Variants in MAP3K9 observed in about 807,000 individuals in gnomAD.
The protein encoded by MAP3K9 is mitogen-activated protein kinase kinase kinase 9.
A neutral mutation model predicts 95.8 loss-of-function variants in MAP3K9; 46 were observed. That is an observed-to-expected ratio of 0.48 (90% confidence interval 0.38 to 0.61). The LOEUF (loss-of-function observed/expected upper bound fraction) is 0.61. MAP3K9 is among the 20% of genes least tolerant of loss of function. The probability of loss-of-function intolerance (pLI) is 0.00; values close to 1 mark genes in which losing one functional copy is unlikely to be tolerated. For missense variants in MAP3K9, 1,296 were observed against 1,474.3 expected, an observed-to-expected ratio of 0.88 and a Z score of 1.98; for synonymous variants, 533 against 593.8, an observed-to-expected ratio of 0.90 and a Z score of 1.49.
chr14:70,793,748 A>G (rs1423686007), intron 2 of MAP3K9, among the ~76,000 whole-genome samples: 1 of 152,164 alleles, frequency 6.6e-6, no homozygotes, highest in Non-Finnish European at 1.5e-5. Context: ...AGCTAAAGAC[A>G]CAAAACCTAT....
chr14:70,758,919 C>T (rs1215236939), intron 3 of MAP3K9, among the ~76,000 whole-genome samples: 11 of 152,088 alleles, frequency 7.2e-5, no homozygotes, highest in Non-Finnish European at 1.3e-4. Flanking sequence ...TGCGCCACCA[C>T]GCCTAGCTAA....
At position 70,723,914 on chromosome 14, in the gene MAP3K9, G is replaced by C. The variant is rs1406856859; in HGVS notation, c.*6466C>G. ...CAGCATGGCATCTGAACTGGAGGTA[G>C]AGATAAACGATGAGAATGAAATAAA... On this transcript the variant is annotated 3_prime_UTR_variant, in exon 12 of 12. Transcript: ENST00000554752. 6.6e-6 allele frequency: 1 copy of C among 152,284 alleles called. No individual in the cohort carries two copies. The highest frequency in any genetic ancestry group is 1.9e-4 in the East Asian group (1 of 5,198). The allele number at this position is 152,284 out of a possible 1,614,324, so 9.4% of individuals were successfully genotyped here. A position where few individuals can be genotyped will look rare whatever the true frequency, so the allele number is the denominator to read the frequency against.
Position 70,777,127 on chromosome 14 carries a change from G to A in MAP3K9, c.821-15945C>T, listed in dbSNP as rs144607164. Reference sequence around the variant, plus strand: ...ATTACAGGCGTGAGCCACCACACCCGGCCAAAGATCTCTCACTTTCTACCC... The same window carrying A: ...ATTACAGGCGTGAGCCACCACACCCAGCCAAAGATCTCTCACTTTCTACCC... On this transcript the variant is annotated intron_variant, in intron 2 of 11. Coordinates refer to ENST00000554752, the MANE Select transcript of MAP3K9 (RefSeq NM_001284230.2). 2.9e-3 allele frequency among the ~76,000 whole-genome samples: 438 copies of A among 152,172 alleles called. 1 individual carries two copies. The highest frequency in any genetic ancestry group is 9.9e-3 in the African/African-American group (410 of 41,504).
At chr14:70,795,588 A>G (rs1053183059) in intron 2 of MAP3K9, among the ~76,000 whole-genome samples, 1 of 152,166 alleles carries the variant, frequency 6.6e-6, no homozygotes, top group Non-Finnish European at 1.5e-5. Context: ...CTGGGATTAC[A>G]GGCTTAAGCC....
At chr14:70,798,623 C>T (rs1285219687) in intron 2 of MAP3K9, among the ~76,000 whole-genome samples, 3 of 149,490 alleles carry the variant, frequency 2.0e-5, no homozygotes, top group South Asian at 2.1e-4. Flanking sequence ...GGACTACAGG[C>T]ACCCGCCACT....
chr14:70,750,508 G>A (rs2054210739), intron 3 of MAP3K9, among the ~76,000 whole-genome samples: 1 of 152,074 alleles, frequency 6.6e-6, no homozygotes, highest in Non-Finnish European at 1.5e-5. Context: ...GTTTTGGGAT[G>A]GAGTTTCGCT....
intron 2 of MAP3K9, among the ~76,000 whole-genome samples, chr14:70,772,811 C>A (rs910559454): frequency 1.6e-4 from 24 of 152,108 alleles, no homozygotes; most frequent in Admixed American, 3.9e-4. Flanking sequence ...TTATTTAATC[C>A]TCTCATCAAT....
intron 11 of MAP3K9, among the ~76,000 whole-genome samples, chr14:70,731,743 G>A (rs1023243836): frequency 6.6e-6 from 1 of 152,156 alleles, no homozygotes; most frequent in African/African-American, 2.4e-5. Context: ...ACATATCTGA[G>A]TATAACAAAA....
At chr14:70,807,906 G>C (rs964858462) in intron 1 of MAP3K9, among the ~76,000 whole-genome samples, 4 of 152,168 alleles carry the variant, frequency 2.6e-5, no homozygotes, top group Non-Finnish European at 5.9e-5. Context: ...CTGGGAGAAA[G>C]GCCCTGGGAG....
At position 70,732,553 on chromosome 14, in the gene MAP3K9, G is replaced by A. The variant is rs1187802997; in HGVS notation, c.2816C>T (p.Pro939Leu). ...SRSPSSNGLS[P>L]SPGAGMLKTP... is the part of the protein sequence containing the mutation. ...AGAAGACTCACCTGCTCCAGGACTGGGGCTCAACCCATTGCTGGAGGGGCT... is the reference window on the plus strand; with the variant it reads ...AGAAGACTCACCTGCTCCAGGACTGAGGCTCAACCCATTGCTGGAGGGGCT... The change falls in exon 11 of 12, where the codon CCC becomes CTC. Residue 939 changes from proline to leucine, a missense_variant. This residue lies in a region of MAP3K9 where 433 missense variants were observed against 441.4 expected (regional missense o/e 0.98). Transcript: ENST00000554752. The A allele has an allele frequency of 6.3e-7, 1 of 1,583,082 alleles. No individual in the cohort carries two copies.
In MAP3K9 at chr14:70,723,086, C is replaced by G. The variant is rs1230815096; in HGVS notation, c.*7294G>C. ...GAGGGAAATCAGAAAAGAAAGTGAGCAAGTTCATCACCTCCCTTCTTTGCT... is the reference window on the plus strand; with the variant it reads ...GAGGGAAATCAGAAAAGAAAGTGAGGAAGTTCATCACCTCCCTTCTTTGCT... On this transcript the variant is annotated 3_prime_UTR_variant, in exon 12 of 12. Coordinates refer to ENST00000554752, the MANE Select transcript of MAP3K9 (RefSeq NM_001284230.2). 1 of 152,158 alleles carries G rather than the reference C, an allele frequency of 6.6e-6. No homozygotes were observed. Among genetic ancestry groups the G allele is most frequent in the Non-Finnish European group, 1.5e-5 (1 of 68,050 alleles). The allele number at this position is 152,158 out of a possible 1,614,324, so 9.4% of individuals were successfully genotyped here.
chr14:70,777,662 C>T (rs2054617514), intron 2 of MAP3K9, among the ~76,000 whole-genome samples: 1 of 152,172 alleles, frequency 6.6e-6, no homozygotes, highest in South Asian at 2.1e-4. Context: ...ACCAGAGAGT[C>T]ACAAGCCCTG....
intron 2 of MAP3K9, among the ~76,000 whole-genome samples, chr14:70,783,705 A>G (rs2054710796): frequency 6.6e-6 from 1 of 152,230 alleles, no homozygotes; most frequent in Admixed American, 6.5e-5. Flanking sequence ...AAGCATGCTC[A>G]GCGCTCCTCC....
rs1418240559 is a variant in MAP3K9, at chr14:70,732,982, C to A, written c.2387G>T (p.Gly796Val). The A allele has an allele frequency of 1.2e-6, 2 of 1,614,144 alleles. No homozygotes were observed. The highest frequency in any genetic ancestry group is 2.2e-5 in the East Asian group (1 of 44,870). ...PAREEKKRRE[G>V]LFQRSSRPRR... Reference sequence around the variant, plus strand: ...AGGACGGCTGGACCTCTGAAAAAGACCCTCCCGTCTTTTCTTCTCCTCCCG... The same window carrying A: ...AGGACGGCTGGACCTCTGAAAAAGAACCTCCCGTCTTTTCTTCTCCTCCCG... The change falls in exon 11 of 12, where the codon GGT becomes GTT. Residue 796 changes from glycine (G) to valine (V), a missense_variant. Physicochemically the swap from Gly to Val is moderately radical, Grantham distance 109. This residue lies in a region of MAP3K9 where 433 missense variants were observed against 441.4 expected (regional missense o/e 0.98). Transcript: ENST00000554752.
intron 5 of MAP3K9, among the ~76,000 whole-genome samples, chr14:70,743,970 G>C (rs1030856139): frequency 2.6e-5 from 4 of 152,218 alleles, no homozygotes; most frequent in Non-Finnish European, 4.4e-5. Context: ...GTCCATCAGT[G>C]ATAGACTGGA....
chr14:70,790,150 G>C (rs936894499), intron 2 of MAP3K9, among the ~76,000 whole-genome samples: 2 of 152,144 alleles, frequency 1.3e-5, no homozygotes, highest in African/African-American at 4.8e-5. Context: ...CTCTCAGCAA[G>C]GCCATCTGTC....
In MAP3K9 at chr14:70,732,585, G is replaced by A. The variant is rs909902855; in HGVS notation, c.2784C>T (p.Ala928=). Residue 928 remains alanine (A), a synonymous_variant, in exon 11 of 12, where the codon GCC becomes GCT. Coordinates refer to ENST00000554752, the MANE Select transcript of MAP3K9 (RefSeq NM_001284230.2). ...DGALKPETLL[A]SRSPSSNGLS... is the part of the protein sequence containing the mutation. ...ACCCATTGCTGGAGGGGCTCCTGCT[G>A]GCTAGGAGAGTCTCTGGCTTAAGGG... The A allele has an allele frequency of 6.2e-7, 1 of 1,603,758 alleles. No individual in the cohort carries two copies. Among genetic ancestry groups the A allele is most frequent in the African/African-American group, 1.3e-5 (1 of 74,636 alleles).
In MAP3K9 at chr14:70,734,463, G is replaced by A. The variant is rs758241616; in HGVS notation, c.1949C>T (p.Ser650Leu). The A allele has an allele frequency of 9.8e-5, 158 of 1,613,430 alleles. No individual in the cohort carries two copies. The highest frequency in any genetic ancestry group is 1.6e-4 in the Middle Eastern group (1 of 6,078). Reference sequence around the variant, plus strand: ...CTTCACCAGGTTGGGGGCACTGGACGACCACTGCTTATATCCATCTACCAG... The same window carrying A: ...CTTCACCAGGTTGGGGGCACTGGACAACCACTGCTTATATCCATCTACCAG... The part of the protein sequence containing the change: ...KSLVDGYKQW[S>L]SSAPNLVKGP... The change falls in exon 10 of 12, where the codon TCG becomes TTG. Residue 650 changes from serine (S) to leucine (L), a missense_variant. By Grantham distance (145) the Ser-to-Leu change is moderately radical. Coordinates refer to ENST00000554752, the MANE Select transcript of MAP3K9 (RefSeq NM_001284230.2).
intron 2 of MAP3K9, among the ~76,000 whole-genome samples, chr14:70,775,955 G>A (rs537260921): frequency 8.5e-5 from 13 of 152,298 alleles, no homozygotes; most frequent in East Asian, 1.9e-4. Flanking sequence ...TTGGGAGGCC[G>A]AGGCGGGTGG....
Sources: gnomAD v4.1 joint callset for allele counts (sites outside exome capture counted in the v4.1 genomes callset) on GRCh38, gnomAD v4.1.1 for gene constraint, gnomAD v4.1.1 regional missense constraint, MANE v1.5 for transcripts, NCBI Gene and HGNC (gene_info 2026-07-23, HGNC 2026-07-21) for gene names.